RBFOX1: variants seen among roughly 807,000 people sequenced by gnomAD.
RBFOX1 encodes the protein RNA binding protein fox-1 homolog 1.
A neutral mutation model predicts 57.7 loss-of-function variants in RBFOX1; 8 were observed. The observed-to-expected ratio is 0.14, with a 90% CI of 0.08 to 0.25. RBFOX1 has a LOEUF of 0.25. Ranked by LOEUF, RBFOX1 falls within the 10% of genes least tolerant of loss-of-function variation. The pLI is 1.00. For missense variants in RBFOX1, 611 were observed against 548.5 expected (o/e 1.11, Z -1.14); for synonymous variants, 326 against 222.4 (o/e 1.47, Z -4.15).
At chr16:7,491,530 C>A (rs1038943584) in intron 4 of RBFOX1, among the ~76,000 whole-genome samples, 21 of 151,716 alleles carry the variant, frequency 1.4e-4, no homozygotes, top group Non-Finnish European at 2.2e-4. Flanking sequence ...CCCTTCCCTG[C>A]TGATCTTTGG....
intron 1 of RBFOX1, among the ~76,000 whole-genome samples, chr16:6,154,866 AT>A (rs2096827708): frequency 1.3e-5 from 2 of 152,260 alleles, no homozygotes. Flanking sequence ...ATGTAAAAAA[AT>A]GAAAGGGTAA....
intron 4 of RBFOX1, among the ~76,000 whole-genome samples, chr16:7,059,794 T>G (rs1484308055): frequency 6.6e-6 from 1 of 152,134 alleles, no homozygotes; most frequent in African/African-American, 2.4e-5. Flanking sequence ...CAGTTGTATT[T>G]GTTCCCAGGG....
At chr16:7,654,758 T>G (rs2144898475) in intron 12 of RBFOX1, among the ~76,000 whole-genome samples, 1 of 152,288 alleles carries the variant, frequency 6.6e-6, no homozygotes, top group Non-Finnish European at 1.5e-5. Flanking sequence ...AAGGGATACC[T>G]CCAAGGCAGT....
intron 5 of RBFOX1, among the ~76,000 whole-genome samples, chr16:7,534,907 A>G (rs2152414489): frequency 6.6e-6 from 1 of 152,272 alleles, no homozygotes; most frequent in South Asian, 2.1e-4. Flanking sequence ...TCGAATGTCA[A>G]GCGCTGCAGG....
intron 1 of RBFOX1, among the ~76,000 whole-genome samples, chr16:6,228,702 G>C (rs2097435457): frequency 6.6e-6 from 1 of 152,124 alleles, no homozygotes; most frequent in Non-Finnish European, 1.5e-5. Context: ...ATTTCAGGTA[G>C]GCGGGAGGAG....
chr16:7,160,692 G>T (rs576432618), intron 4 of RBFOX1, among the ~76,000 whole-genome samples: 2 of 152,040 alleles, frequency 1.3e-5, no homozygotes, highest in South Asian at 4.2e-4. Context: ...TTCCTGGGGG[G>T]TTTTTCTGTA....
intron 4 of RBFOX1, among the ~76,000 whole-genome samples, chr16:7,309,835 C>T (rs1488352697): frequency 4.6e-5 from 7 of 152,174 alleles, no homozygotes; most frequent in Non-Finnish European, 8.8e-5. Flanking sequence ...CATGTCATCC[C>T]GTGAAGGAAG....
intron 1 of RBFOX1, among the ~76,000 whole-genome samples, chr16:6,200,879 G>T (rs1264114500): frequency 1.3e-5 from 2 of 151,868 alleles, no homozygotes; most frequent in Non-Finnish European, 2.9e-5. Context: ...GCTTGTGTGT[G>T]TGTATTTGTG....
Position 5,323,135 on chromosome 16 carries a change from G to A in RBFOX1, c.219+83030G>A, listed in dbSNP as rs566366246. 2.0e-5 allele frequency among the ~76,000 whole-genome samples: 3 copies of A among 152,306 alleles called. No homozygotes were observed. In the South Asian group the frequency reaches 6.2e-4, roughly 32 times the overall value. On this transcript the variant is annotated intron_variant, in intron 1 of 2. Coordinates refer to the RBFOX1 transcript ENST00000585867. Reference sequence around the variant, plus strand: ...TCAAGTGATTTAATGCTTTGAAAATGCTTAGCACAGTCTGGACATATGACA... The same window carrying A: ...TCAAGTGATTTAATGCTTTGAAAATACTTAGCACAGTCTGGACATATGACA...
intron 4 of RBFOX1, among the ~76,000 whole-genome samples, chr16:7,141,438 C>T (rs1351507830): frequency 6.6e-6 from 1 of 151,542 alleles, no homozygotes; most frequent in South Asian, 2.1e-4. Context: ...ATTGTTAATC[C>T]AAGTTCTCAG....
intron 4 of RBFOX1, among the ~76,000 whole-genome samples, chr16:7,061,897 A>C (rs1388684751): frequency 6.6e-6 from 1 of 152,180 alleles, no homozygotes; most frequent in Non-Finnish European, 1.5e-5. Flanking sequence ...GCAGGAAGCA[A>C]ATAAATAGGG....
intron 3 of RBFOX1, among the ~76,000 whole-genome samples, chr16:5,662,593 C>A (rs1032448279): frequency 6.6e-6 from 1 of 152,110 alleles, no homozygotes; most frequent in Non-Finnish European, 1.5e-5. Flanking sequence ...TGGAGTTACC[C>A]CCTACCATTT....
intron 3 of RBFOX1, among the ~76,000 whole-genome samples, chr16:6,745,225 C>G (rs554236203): frequency 1.3e-5 from 2 of 152,080 alleles, no homozygotes; most frequent in South Asian, 4.2e-4. Flanking sequence ...GCCCAGATGA[C>G]TTTGTTAATA....
intron 4 of RBFOX1, among the ~76,000 whole-genome samples, chr16:7,382,186 C>G (rs758354476): frequency 5.8e-4 from 88 of 152,164 alleles, no homozygotes; most frequent in Non-Finnish European, 9.6e-4. Context: ...TCACACTTAG[C>G]CACTATGAAG....
At chr16:6,976,209 T>A (rs894456197) in intron 3 of RBFOX1, among the ~76,000 whole-genome samples, 2 of 152,154 alleles carry the variant, frequency 1.3e-5, no homozygotes, top group African/African-American at 4.8e-5. Flanking sequence ...AGAGTTCTTA[T>A]ATGAGCATTC....
intron 3 of RBFOX1, among the ~76,000 whole-genome samples, chr16:6,956,757 C>T (rs2081934380): frequency 6.6e-6 from 1 of 152,186 alleles, no homozygotes; most frequent in South Asian, 2.1e-4. Context: ...GTGGTTTGAC[C>T]AGGCACAGAT....
chr16:6,608,615 C>G (rs2097984292), intron 2 of RBFOX1, among the ~76,000 whole-genome samples: 1 of 152,052 alleles, frequency 6.6e-6, no homozygotes, highest in South Asian at 2.1e-4. Context: ...ATGGCAAGAC[C>G]CCATCTCTAC....
chr16:5,969,671 C>G (rs900068879), intron 4 of RBFOX1, among the ~76,000 whole-genome samples: 2 of 151,858 alleles, frequency 1.3e-5, no homozygotes, highest in Non-Finnish European at 2.9e-5. Context: ...TCTTAGGTAG[C>G]TTATCTAACT....
chr16:7,279,784 C>T (rs961017536), intron 4 of RBFOX1, among the ~76,000 whole-genome samples: 1 of 152,200 alleles, frequency 6.6e-6, no homozygotes, highest in African/African-American at 2.4e-5. Context: ...TCCTCTTTCT[C>T]TTATGTGAAA....
Sources: allele counts gnomAD v4.1 joint callset (sites outside exome capture counted in the v4.1 genomes callset), GRCh38; gene constraint gnomAD v4.1.1; transcripts MANE v1.5; gene names NCBI Gene and HGNC (gene_info 2026-07-23, HGNC 2026-07-21).